Variants in MAD1L1 observed in about 807,000 individuals in gnomAD.
The protein encoded by MAD1L1 is mitotic arrest deficient 1 like 1.
MAD1L1 carries 95 observed loss-of-function variants against 96.9 expected under a neutral mutation model. The ratio of observed to expected loss-of-function variants is 0.98; its 90% confidence interval spans 0.83 to 1.16. The LOEUF is 1.16. Ranked by LOEUF, MAD1L1 falls within the 50% of genes most tolerant of loss-of-function variation. The pLI is 0.00. For missense variants in MAD1L1, 1,007 were observed against 954.4 expected, an observed-to-expected ratio of 1.06 and a Z score of -0.73; for synonymous variants, 473 against 396.6, an observed-to-expected ratio of 1.19 and a Z score of -2.29.
At chr7:2,161,578 G>A (rs915309967) in intron 10 of MAD1L1, among the ~76,000 whole-genome samples, 8 of 151,928 alleles carry the variant, frequency 5.3e-5, no homozygotes, top group Non-Finnish European at 1.2e-4. Context: ...CGTGTGGGAT[G>A]TGAGGAGCCC....
intron 11 of MAD1L1, among the ~76,000 whole-genome samples, chr7:2,117,681 T>G (rs1040486359): frequency 6.6e-6 from 1 of 152,360 alleles, no homozygotes; most frequent in East Asian, 1.9e-4. Context: ...ATTGTCATTT[T>G]CCTGAGGCCT....
chr7:1,849,094 A>C (rs1783813219), intron 18 of MAD1L1: 1 of 154,588 alleles, frequency 6.5e-6, no homozygotes, highest in Non-Finnish European at 1.5e-5. Flanking sequence ...GCACGGACAC[A>C]TGCACACACA....
intron 17 of MAD1L1, among the ~76,000 whole-genome samples, chr7:1,929,558 G>A (rs181105371): frequency 1.6e-4 from 24 of 152,072 alleles, no homozygotes; most frequent in African/African-American, 1.9e-4. Flanking sequence ...CTGAACTTCC[G>A]AGCAGGGACT....
chr7:1,911,964 G>A (rs1260606991), intron 17 of MAD1L1, among the ~76,000 whole-genome samples: 1 of 152,272 alleles, frequency 6.6e-6, no homozygotes, highest in Non-Finnish European at 1.5e-5. Flanking sequence ...CCTCCATGCA[G>A]CTGCAGGGCA....
At chr7:1,875,257 T>C (rs913478729) in intron 18 of MAD1L1, among the ~76,000 whole-genome samples, 9 of 152,286 alleles carry the variant, frequency 5.9e-5, no homozygotes, top group Admixed American at 1.3e-4. Context: ...GCCTGCGCTG[T>C]GCACACCGAG....
chr7:2,198,908 G>T (rs752453904), intron 10 of MAD1L1, among the ~76,000 whole-genome samples: 1 of 152,222 alleles, frequency 6.6e-6, no homozygotes. Context: ...CCAGCCACTC[G>T]GAGGACACAC....
chr7:1,997,270 C>T (rs991889319), intron 14 of MAD1L1, among the ~76,000 whole-genome samples: 1 of 152,198 alleles, frequency 6.6e-6, no homozygotes, highest in Admixed American at 6.5e-5. Context: ...GAGCTGCAGG[C>T]TGGGAGACGG....
In MAD1L1 at chr7:2,103,287, C is replaced by T. The variant is rs934448407; in HGVS notation, c.1074-33949G>A. 3.9e-5 allele frequency among the ~76,000 whole-genome samples: 6 copies of T among 152,116 alleles called. No homozygotes were observed. The East Asian group carries it at 5.8e-4, about 15-fold the overall frequency. The stretch of plus-strand genomic sequence containing the variant: ...GTCGCAGCCCAAGCCATGGCTGCCC[C>T]GACGGGCCCTGCACACACAGTCATA... On this transcript the variant is annotated intron_variant, in intron 11 of 18. Coordinates refer to ENST00000265854, the MANE Select transcript of MAD1L1 (RefSeq NM_001013836.2). The surrounding 1 kb of genome is among the most constrained non-coding windows in gnomAD (Gnocchi z 4.3).
intron 18 of MAD1L1, among the ~76,000 whole-genome samples, chr7:1,887,863 G>GTGGTTGCGGCTGCCTGTGCA (rs1786208275): frequency 1.1e-4 from 17 of 148,448 alleles, no homozygotes; most frequent in African/African-American, 4.2e-4. Context: ...GTGTGTGCAC[G>GTGGTTGCGGCTGCCTGTGCA]TGTGTGTGCA....
rs563577576 is a variant in MAD1L1 at position 1,979,239 on chromosome 7, C to A, written c.1505+1214G>T. 4.6e-5 allele frequency among the ~76,000 whole-genome samples: 7 copies of A among 152,288 alleles called. No homozygotes were observed. In the South Asian group the frequency reaches 1.5e-3, roughly 32 times the overall value. On this transcript the variant is annotated intron_variant, in intron 15 of 18. Coordinates refer to ENST00000265854, the MANE Select transcript of MAD1L1 (RefSeq NM_001013836.2). ...GAAGGGTGCTCTCTCCCCACTGCCA[C>A]CCCCATCTCACTGCAGGGCCATTTG... is the stretch of plus-strand genomic sequence containing the variant.
At chr7:1,878,270 C>A (rs969528749) in intron 18 of MAD1L1, among the ~76,000 whole-genome samples, 1 of 151,962 alleles carries the variant, frequency 6.6e-6, no homozygotes, top group Admixed American at 6.6e-5. Flanking sequence ...CACACAAATT[C>A]TTCCAGAAAA....
At chr7:1,948,328 C>T (rs1779328379) in intron 16 of MAD1L1, among the ~76,000 whole-genome samples, 1 of 152,242 alleles carries the variant, frequency 6.6e-6, no homozygotes, top group South Asian at 2.1e-4. Context: ...CCCCCTCCAC[C>T]CCCCAGTGAC....
chr7:2,205,017 A>G (rs1792517187), intron 10 of MAD1L1, among the ~76,000 whole-genome samples: 1 of 151,456 alleles, frequency 6.6e-6, no homozygotes, highest in South Asian at 2.1e-4. Context: ...GCCTTTACAG[A>G]ATTTTAAGTA....
intron 11 of MAD1L1, among the ~76,000 whole-genome samples, chr7:2,117,362 C>G (rs148914437): frequency 5.7e-4 from 87 of 152,356 alleles, no homozygotes; most frequent in African/African-American, 2.0e-3. Context: ...AACCCACAAA[C>G]AGAGGCCACC....
intron 10 of MAD1L1, among the ~76,000 whole-genome samples, chr7:2,158,289 A>C (rs1232577858): frequency 3.3e-5 from 5 of 152,212 alleles, no homozygotes; most frequent in African/African-American, 4.8e-5. Flanking sequence ...CTAATAGCAG[A>C]TGTTGGGGCT....
chr7:2,090,044 A>C (rs1308064395), intron 11 of MAD1L1, among the ~76,000 whole-genome samples: 1 of 152,238 alleles, frequency 6.6e-6, no homozygotes, highest in Non-Finnish European at 1.5e-5. Context: ...GAGTGACAGG[A>C]AACGGCAGGT....
chr7:1,983,096 A>G (rs1209495264), intron 14 of MAD1L1, among the ~76,000 whole-genome samples: 1 of 152,082 alleles, frequency 6.6e-6, no homozygotes, highest in African/African-American at 2.4e-5. Flanking sequence ...GTGCATGCAC[A>G]CACACACACG....
At chr7:1,831,119 G>C (rs1331304694) in intron 18 of MAD1L1, among the ~76,000 whole-genome samples, 1 of 152,300 alleles carries the variant, frequency 6.6e-6, no homozygotes, top group African/African-American at 2.4e-5. Context: ...TGGCCTGACT[G>C]TGCCTCACAG....
At chr7:2,083,297 C>T (rs551706622) in intron 11 of MAD1L1, among the ~76,000 whole-genome samples, 64 of 152,336 alleles carry the variant, frequency 4.2e-4, no homozygotes, top group Admixed American at 1.3e-4. Context: ...TCGCTTCCTC[C>T]GTGCCGGGCG....
Sources: gnomAD v4.1 joint callset for allele counts (sites outside exome capture counted in the v4.1 genomes callset) on GRCh38, gnomAD v4.1.1 for gene constraint, Gnocchi (gnomAD v3.1) non-coding constraint, MANE v1.5 for transcripts, NCBI Gene and HGNC (gene_info 2026-07-23, HGNC 2026-07-21) for gene names.